Variants in ZNF385B observed in about 807,000 individuals in gnomAD.
ZNF385B encodes zinc finger protein 385B.
A neutral mutation model predicts 39.2 loss-of-function variants in ZNF385B; 23 were observed. That is an observed-to-expected ratio of 0.59 (90% CI 0.42 to 0.83). ZNF385B has a LOEUF of 0.83. Ranked by LOEUF, ZNF385B falls within the 40% of genes least tolerant of loss-of-function variation. ZNF385B has a pLI of 0.00. For missense variants in ZNF385B, 552 were observed against 598.9 expected (o/e 0.92, Z 0.82); for synonymous variants, 205 against 222.6 (o/e 0.92, Z 0.70).
intron 6 of ZNF385B, among the ~76,000 whole-genome samples, chr2:179,462,623 T>C (rs374712817): frequency 6.6e-6 from 1 of 152,182 alleles, no homozygotes; most frequent in East Asian, 1.9e-4. Flanking sequence ...AACAAATGAA[T>C]TCAGTACCTT....
chr2:179,660,330 G>A (rs530717187), intron 3 of ZNF385B: 2 of 152,270 alleles, frequency 1.3e-5, no homozygotes, highest in South Asian at 2.1e-4. Flanking sequence ...TCAGTCTACA[G>A]AGCCAACAAA....
intron 3 of ZNF385B, among the ~76,000 whole-genome samples, chr2:179,623,904 G>A (rs1049884370): frequency 7.2e-5 from 11 of 152,138 alleles, no homozygotes; most frequent in African/African-American, 2.4e-4. Context: ...TTTCAAAAGA[G>A]TTGTTAGACT....
chr2:179,857,692 G>GA (rs1684713388), intron 1 of ZNF385B, among the ~76,000 whole-genome samples: 1 of 152,092 alleles, frequency 6.6e-6, no homozygotes, highest in Admixed American at 6.5e-5. Context: ...GGATTGTTGG[G>GA]ACCCCATTCC....
intron 3 of ZNF385B, among the ~76,000 whole-genome samples, chr2:179,553,418 A>G (rs2105933166): frequency 6.7e-6 from 1 of 149,546 alleles, no homozygotes; most frequent in South Asian, 2.1e-4. Flanking sequence ...TTTACTTTTT[A>G]AGATAAGAAA....
At chr2:179,667,386 A>G (rs1415077225) in intron 3 of ZNF385B, among the ~76,000 whole-genome samples, 1 of 152,142 alleles carries the variant, frequency 6.6e-6, no homozygotes, top group Non-Finnish European at 1.5e-5. Context: ...TTTTACCTGG[A>G]AAAAACTTAG....
intron 3 of ZNF385B, among the ~76,000 whole-genome samples, chr2:179,562,994 G>T (rs1035635461): frequency 1.4e-5 from 2 of 146,738 alleles, no homozygotes; most frequent in Non-Finnish European, 3.0e-5. Context: ...ATTCTATTAG[G>T]CCTGAAGAAT....
intron 1 of ZNF385B, among the ~76,000 whole-genome samples, chr2:179,812,426 G>A (rs762210188): frequency 1.1e-4 from 16 of 152,116 alleles, no homozygotes; most frequent in Non-Finnish European, 1.6e-4. Flanking sequence ...ATAAAGAAAC[G>A]CGGTACACAT....
At chr2:179,563,711 C>T (rs1052653762) in intron 3 of ZNF385B, among the ~76,000 whole-genome samples, 20 of 152,014 alleles carry the variant, frequency 1.3e-4, no homozygotes, top group Admixed American at 5.9e-4. Context: ...ACATAGTATG[C>T]TAGCTCTATA....
At chr2:179,743,938 A>T (rs533012758) in intron 3 of ZNF385B, among the ~76,000 whole-genome samples, 1 of 152,224 alleles carries the variant, frequency 6.6e-6, no homozygotes, top group East Asian at 1.9e-4. Context: ...ATACACGTAC[A>T]ACTAAGTACA....
chr2:179,481,854 T>G (rs1339334082), intron 6 of ZNF385B, among the ~76,000 whole-genome samples: 1 of 152,192 alleles, frequency 6.6e-6, no homozygotes, highest in Non-Finnish European at 1.5e-5. Flanking sequence ...AACTGCCACA[T>G]TGTGTACCTC....
At chr2:179,492,315 T>C (rs1413940088) in intron 5 of ZNF385B, among the ~76,000 whole-genome samples, 2 of 152,178 alleles carry the variant, frequency 1.3e-5, no homozygotes, top group Non-Finnish European at 2.9e-5. Flanking sequence ...TGTTACTCAA[T>C]GATAAGTAAT....
chr2:179,578,146 A>T (rs944084102), intron 3 of ZNF385B, among the ~76,000 whole-genome samples: 1 of 152,130 alleles, frequency 6.6e-6, no homozygotes, highest in Non-Finnish European at 1.5e-5. Context: ...TATGTTGCAC[A>T]TTTAAGTACT....
At chr2:179,710,586 G>A (rs1022546994) in intron 3 of ZNF385B, among the ~76,000 whole-genome samples, 21 of 152,246 alleles carry the variant, frequency 1.4e-4, no homozygotes, top group Admixed American at 6.5e-4. Flanking sequence ...GCTGAAGAGC[G>A]GGGGCCAGTC....
chr2:179,670,594 T>C (rs939449576), intron 3 of ZNF385B, among the ~76,000 whole-genome samples: 1 of 152,220 alleles, frequency 6.6e-6, no homozygotes, highest in South Asian at 2.1e-4. Context: ...AAAACAGCTA[T>C]ATTTAATAAC....
chr2:179,711,558 G>A lies in ZNF385B; in HGVS notation c.298+57945C>T, dbSNP rs60699294. ...ACTCCATGGTATAAAAAGAATGTGTGTTCAGAATCCAAGCTAAAGAATCTG... is the reference window on the plus strand; with the variant it reads ...ACTCCATGGTATAAAAAGAATGTGTATTCAGAATCCAAGCTAAAGAATCTG... On this transcript the variant is annotated intron_variant, in intron 3 of 9. Transcript: ENST00000410066. Among the ~76,000 whole-genome samples the A allele has an allele frequency of 1.9e-3, 282 of 152,228 alleles. 2 individuals are homozygous for A. Among genetic ancestry groups the A allele is most frequent in the African/African-American group, 6.6e-3 (275 of 41,548 alleles).
chr2:179,596,995 C>A (rs547334867), intron 3 of ZNF385B, among the ~76,000 whole-genome samples: 6 of 152,288 alleles, frequency 3.9e-5, no homozygotes, highest in African/African-American at 1.4e-4. Flanking sequence ...TTCCACTAAG[C>A]CTTTTTGCCA....
chr2:179,798,184 T>A (rs925885690), intron 1 of ZNF385B, among the ~76,000 whole-genome samples: 1 of 151,984 alleles, frequency 6.6e-6, no homozygotes, highest in Non-Finnish European at 1.5e-5. Context: ...CCATCTTTGG[T>A]TAGTAAGAGC....
In ZNF385B at chr2:179,524,303, A is replaced by T. The variant is rs551861836; in HGVS notation, c.442-5665T>A. 2.0e-5 allele frequency among the ~76,000 whole-genome samples: 3 copies of T among 152,138 alleles called. 1 individual carries two copies. The South Asian group carries it at 6.2e-4, about 32-fold the overall frequency. ...CACGGTGGCTGACGCCTGCAATCCC[A>T]GCACTTTGGGAAGCTGAGGCCGGCG... On this transcript the variant is annotated intron_variant, in intron 4 of 9. Coordinates refer to ENST00000410066, the MANE Select transcript of ZNF385B (RefSeq NM_152520.6).
chr2:179,514,778 GT>G (rs10594566), intron 5 of ZNF385B, among the ~76,000 whole-genome samples: 19,172 of 143,080 alleles, frequency 0.13, 1,294 homozygotes, highest in Middle Eastern at 0.23. Context: ...ATGTGTGGTG[GT>G]TTTTTTTTTT....
Sources: allele counts gnomAD v4.1 joint callset (sites outside exome capture counted in the v4.1 genomes callset), GRCh38; gene constraint gnomAD v4.1.1; transcripts MANE v1.5; gene names NCBI Gene and HGNC (gene_info 2026-07-23, HGNC 2026-07-21).